The following PRKN variants were observed in gnomAD, a reference collection of about 807,000 sequenced individuals.
PRKN encodes parkin RBR E3 ubiquitin protein ligase.
In PRKN, 56 loss-of-function variants were observed where a neutral mutation model predicts 59.5. The observed-to-expected ratio is 0.94, with a 90% CI of 0.76 to 1.18. The LOEUF (loss-of-function observed/expected upper bound fraction) is 1.18. Ranked by LOEUF, PRKN falls within the 50% of genes most tolerant of loss-of-function variation. PRKN has a pLI of 0.00. For missense variants in PRKN, 657 were observed against 596.4 expected (o/e 1.10, Z -1.06); for synonymous variants, 250 against 222.1 (o/e 1.13, Z -1.12).
At chr6:161,673,898 T>C (rs770105865) in intron 7 of PRKN, among the ~76,000 whole-genome samples, 2 of 152,110 alleles carry the variant, frequency 1.3e-5, no homozygotes, top group African/African-American at 2.4e-5. Context: ...AAAAGAAGGA[T>C]CACACATTCA....
chr6:162,501,513 A>ATTT (rs201004163), intron 1 of PRKN, among the ~76,000 whole-genome samples: 67 of 126,624 alleles, frequency 5.3e-4, no homozygotes, highest in Non-Finnish European at 6.7e-4. Context: ...ACGCCTGGTT[A>ATTT]ATTTTTTTTT....
At chr6:162,611,001 G>T in intron 1 of PRKN, among the ~76,000 whole-genome samples, 1 of 152,236 alleles carries the variant, frequency 6.6e-6, no homozygotes, top group Middle Eastern at 3.4e-3. Context: ...ATTATCTTTA[G>T]ATTTATTTCC....
chr6:161,685,008 G>C (rs189591195), intron 7 of PRKN, among the ~76,000 whole-genome samples: 2 of 152,168 alleles, frequency 1.3e-5, no homozygotes, highest in African/African-American at 4.8e-5. Flanking sequence ...TGGTTAACAT[G>C]ATATCATTGA....
At chr6:162,627,700 G>A (rs1262280195) in intron 1 of PRKN, among the ~76,000 whole-genome samples, 2 of 152,108 alleles carry the variant, frequency 1.3e-5, no homozygotes, top group African/African-American at 4.8e-5. Flanking sequence ...CAAATAGGTG[G>A]AGAGACACAA....
intron 3 of PRKN, among the ~76,000 whole-genome samples, chr6:162,235,850 G>C (rs192450369): frequency 6.7e-6 from 1 of 149,060 alleles, no homozygotes; most frequent in East Asian, 2.0e-4. Context: ...GGAAAGGAGG[G>C]AGGAAAGAAA....
Position 161,526,963 on chromosome 6 carries a change from G to C in PRKN, c.1083+21891C>G, listed in dbSNP as rs192248343. Among the ~76,000 whole-genome samples the C allele has an allele frequency of 2.6e-5, 4 of 152,214 alleles. No individual in the cohort carries two copies. The highest frequency in any genetic ancestry group is 2.6e-4 in the Admixed American group (4 of 15,278). ...GGTGACAGGTTATGGAAAGGTGAGG[G>C]GAGGAAATGTATGATGAACAAAGGC... On this transcript the variant is annotated intron_variant, in intron 9 of 11. Transcript: ENST00000366898. This position sits in a 1 kb window ranked among gnomAD's most constrained non-coding sequence, Gnocchi z 4.1.
intron 2 of PRKN, among the ~76,000 whole-genome samples, chr6:162,366,294 T>C (rs563160020): frequency 9.1e-4 from 139 of 152,340 alleles, no homozygotes; most frequent in Non-Finnish European, 1.7e-3. Context: ...TTACAGAATG[T>C]CATTCTAGTT....
intron 6 of PRKN, among the ~76,000 whole-genome samples, chr6:161,955,653 C>A (rs1780144190): frequency 6.6e-6 from 1 of 152,122 alleles, no homozygotes; most frequent in Non-Finnish European, 1.5e-5. Flanking sequence ...GAGTTTGAGA[C>A]CAGCCTGATG....
At chr6:162,471,908 G>A (rs1249288691) in intron 1 of PRKN, among the ~76,000 whole-genome samples, 1 of 152,134 alleles carries the variant, frequency 6.6e-6, no homozygotes, top group African/African-American at 2.4e-5. Context: ...TTTTTGGTCT[G>A]TCCTCCGATT....
chr6:162,259,373 T>C (rs1005778136), intron 3 of PRKN, among the ~76,000 whole-genome samples: 2 of 152,190 alleles, frequency 1.3e-5, no homozygotes, highest in Admixed American at 6.5e-5. Flanking sequence ...GTATGGTCAG[T>C]ACCAACATTT....
chr6:161,414,619 T>C lies in PRKN; in HGVS notation c.1084-27742A>G, dbSNP rs181312433. ...TGGCAGGTAATTCAGGTGTCACCCTTCAATGGCATGTGTTCTTCTTGATGT... is the reference window on the plus strand; with the variant it reads ...TGGCAGGTAATTCAGGTGTCACCCTCCAATGGCATGTGTTCTTCTTGATGT... On this transcript the variant is annotated intron_variant, in intron 9 of 11. Coordinates refer to ENST00000366898, the MANE Select transcript of PRKN (RefSeq NM_004562.3). The surrounding 1 kb of genome is among the most constrained non-coding windows in gnomAD (Gnocchi z 5.3). 9.8e-4 allele frequency among the ~76,000 whole-genome samples: 149 copies of C among 152,336 alleles called. 1 individual carries two copies. Among genetic ancestry groups the C allele is most frequent in the African/African-American group, 3.4e-3 (141 of 41,566 alleles).
At chr6:161,829,413 C>T (rs559775536) in intron 6 of PRKN, among the ~76,000 whole-genome samples, 28 of 152,148 alleles carry the variant, frequency 1.8e-4, no homozygotes, top group Admixed American at 9.2e-4. Context: ...TTGTTTTTTC[C>T]CTTGGAGACA....
At chr6:162,193,233 C>A (rs1171794222) in intron 4 of PRKN, among the ~76,000 whole-genome samples, 1 of 152,158 alleles carries the variant, frequency 6.6e-6, no homozygotes. Context: ...AATCTTAATT[C>A]TAAAATACTA....
In PRKN at chr6:161,439,725, G is replaced by C. The variant is rs150043147; in HGVS notation, c.1084-52848C>G. Among the ~76,000 whole-genome samples the C allele has an allele frequency of 1.4e-3, 219 of 152,132 alleles. 1 individual carries two copies. The highest frequency in any genetic ancestry group is 5.2e-3 in the African/African-American group (215 of 41,516). ...TAGATTTTTTTTTATTGCTTACTGC[G>C]CATCTGAACGTAATTCTTGCCATTA... On this transcript the variant is annotated intron_variant, in intron 9 of 11. Transcript: ENST00000366898.
chr6:161,904,857 G>C (rs1778083560), intron 6 of PRKN, among the ~76,000 whole-genome samples: 1 of 152,144 alleles, frequency 6.6e-6, no homozygotes. Context: ...CAAAAGGCAA[G>C]GGAATGGGAG....
intron 9 of PRKN, among the ~76,000 whole-genome samples, chr6:161,520,336 T>G (rs1298391376): frequency 6.6e-6 from 1 of 151,726 alleles, no homozygotes; most frequent in African/African-American, 2.4e-5. Flanking sequence ...GTAATTCTCC[T>G]GCCTCAGTCT....
Position 161,937,303 on chromosome 6 carries a change from A to G in PRKN, c.734+35999T>C, listed in dbSNP as rs544024870. ...TCTTTTAATTCCATTTTTTTTCCAC[A>G]AACATTTTGAAGTATGCTTACATGT... On this transcript the variant is annotated intron_variant, in intron 6 of 11. Coordinates refer to ENST00000366898, the MANE Select transcript of PRKN (RefSeq NM_004562.3). Among the ~76,000 whole-genome samples, 120 of 152,312 alleles carry G rather than the reference A, an allele frequency of 7.9e-4. 1 individual carries two copies. Among genetic ancestry groups the G allele is most frequent in the African/African-American group, 2.5e-3 (105 of 41,576 alleles).
intron 2 of PRKN, among the ~76,000 whole-genome samples, chr6:162,429,075 C>T (rs1359074265): frequency 6.6e-6 from 1 of 152,168 alleles, no homozygotes; most frequent in Non-Finnish European, 1.5e-5. Flanking sequence ...GCTTTACTTG[C>T]TTTAAACCTG....
intron 1 of PRKN, among the ~76,000 whole-genome samples, chr6:162,666,559 C>T (rs1779113643): frequency 6.6e-6 from 1 of 152,014 alleles, no homozygotes; most frequent in Non-Finnish European, 1.5e-5. Flanking sequence ...AACATAAATT[C>T]AGGAGGTGAA....
Sources: gnomAD v4.1 joint callset for allele counts (sites outside exome capture counted in the v4.1 genomes callset) on GRCh38, gnomAD v4.1.1 for gene constraint, Gnocchi (gnomAD v3.1) non-coding constraint, MANE v1.5 for transcripts, NCBI Gene and HGNC (gene_info 2026-07-23, HGNC 2026-07-21) for gene names.